The following APOOL variants were observed in gnomAD, a reference collection of about 807,000 sequenced individuals.
APOOL encodes MICOS complex subunit MIC27.
Under a neutral mutation model 23.1 loss-of-function variants are expected in APOOL, and 12 were observed. The ratio of observed to expected loss-of-function variants is 0.52; its 90% CI spans 0.33 to 0.84. APOOL has a LOEUF of 0.84. Ranked by LOEUF, APOOL falls within the 40% of genes least tolerant of loss-of-function variation. APOOL has a pLI of 0.02. For missense variants in APOOL, 212 were observed against 199.6 expected (o/e 1.06, Z -0.37); for synonymous variants, 77 against 69.9 (o/e 1.10, Z -0.51).
intron 5 of APOOL, 135 bp from the exon 6 acceptor site, chrX:85,066,992 T>G (rs980211827): frequency 5.2e-6 from 2 of 384,827 alleles, no homozygotes; most frequent in African/African-American, 5.0e-5. Context: ...CCATCTTGAT[T>G]GGTATAATTA....
intron 1 of APOOL, among the ~76,000 whole-genome samples, chrX:85,014,157 G>T (rs972783819): frequency 6.3e-5 from 7 of 111,135 alleles, no homozygotes; most frequent in Non-Finnish European, 1.1e-4. Context: ...CTCACTTTTG[G>T]TGTCCATCTG....
intron 6 of APOOL, among the ~76,000 whole-genome samples, chrX:85,071,620 C>A (rs67673541): frequency 0.053 from 5,865 of 110,909 alleles, 358 homozygotes; most frequent in African/African-American, 0.17. Context: ...GAGATAGGAA[C>A]AGCTTTCTTA....
chrX:85,023,683 T>C (rs1921747157), intron 1 of APOOL, among the ~76,000 whole-genome samples: 1 of 112,022 alleles, frequency 8.9e-6, no homozygotes, highest in Non-Finnish European at 1.9e-5. Flanking sequence ...ATAAAAAAGC[T>C]TGGCACTGGC....
chrX:85,067,570 A>G (rs1227142577), intron 6 of APOOL, among the ~76,000 whole-genome samples: 1 of 109,241 alleles, frequency 9.2e-6, no homozygotes, highest in Non-Finnish European at 1.9e-5. Context: ...TCAGCAGATT[A>G]ACCTGACATA....
chrX:85,066,386 C>A (rs183100740), intron 5 of APOOL, among the ~76,000 whole-genome samples: 62 of 111,222 alleles, frequency 5.6e-4, no homozygotes, highest in Admixed American at 5.1e-3. Context: ...AAGGAAAAGC[C>A]ACACAGCTAG....
rs188445230 is a variant in APOOL, at chrX:85,057,183, G to A, written c.394+1258G>A. Among the ~76,000 whole-genome samples the A allele has an allele frequency of 1.4e-4, 15 of 110,933 alleles. No individual in the cohort carries two copies. The East Asian group carries it at 2.3e-3, about 17-fold the overall frequency. ...GAGCTACTATGAAAATTTATATACA[G>A]ATTTTTCATTTCTCCAAGCCCTTAC... On this transcript the variant is annotated intron_variant, in intron 5 of 8. Transcript: ENST00000373173.
intron 1 of APOOL, among the ~76,000 whole-genome samples, chrX:85,025,428 G>A (rs975951521): frequency 1.8e-5 from 2 of 111,514 alleles, no homozygotes; most frequent in African/African-American, 6.5e-5. Flanking sequence ...AAATACAATC[G>A]TACTTTCCCA....
In APOOL at chrX:85,093,265, AC is replaced by A; in HGVS notation, c.*5588del. The A allele has an allele frequency of 6.2e-6, 7 of 1,122,591 alleles. No homozygotes were observed. The highest frequency in any genetic ancestry group is 7.2e-6 in the Non-Finnish European group (6 of 837,717). The allele number at this position is 1,122,591 out of a possible 1,213,427, so 92.5% of individuals were successfully genotyped here. A position where few individuals can be genotyped will look rare whatever the true frequency, so the allele number is the denominator to read the frequency against. ...ATGCAAAGTGAAAACTGCAAATTTC[AC>A]TTAACTTGTTATTTGCTTTAGTTTA... On this transcript the variant is annotated 3_prime_UTR_variant, in exon 9 of 9. Coordinates refer to ENST00000373173, the MANE Select transcript of APOOL (RefSeq NM_198450.6).
chrX:85,011,806 T>A (rs994054774), intron 1 of APOOL, among the ~76,000 whole-genome samples: 7 of 111,850 alleles, frequency 6.3e-5, no homozygotes, highest in African/African-American at 2.3e-4. Context: ...TTTTGCTTAG[T>A]ATTACTTCAG....
In APOOL at chrX:85,046,512, CAA is replaced by C; in HGVS notation, c.83_84del (p.Gln28ArgfsTer24). The C allele has an allele frequency of 8.3e-7, 1 of 1,209,242 alleles. No homozygotes were observed. The highest frequency in any genetic ancestry group is 1.7e-5 in the African/African-American group (1 of 57,685). ...ATCTGTAAGTGTACATGCAGCCAAA[CAA>C]GAGGAATCCAAAAAGCAGCTAGTGA... Reference protein sequence around the residue: ...YASVSVHAAKQEESKKQLVKP... With the variant: ...YASVSVHAAKXEESKKQLVKP... On this transcript the variant is annotated frameshift_variant, in exon 2 of 9. Transcript: ENST00000373173. LOFTEE classifies it high-confidence loss of function.
intron 5 of APOOL, among the ~76,000 whole-genome samples, chrX:85,061,618 A>G (rs1569458530): frequency 9.0e-6 from 1 of 111,526 alleles, no homozygotes; most frequent in East Asian, 2.8e-4. Flanking sequence ...GGGAAGATGT[A>G]TGGGTCGAGG....
intron 1 of APOOL, among the ~76,000 whole-genome samples, chrX:85,014,311 T>A (rs935655490): frequency 9.0e-6 from 1 of 111,646 alleles, no homozygotes; most frequent in Non-Finnish European, 1.9e-5. Flanking sequence ...GGCCATTTAC[T>A]ATCAGCGTTA....
intron 8 of APOOL, 119 bp downstream of exon 8, chrX:85,074,510 T>C: frequency 3.6e-6 from 3 of 836,283 alleles, no homozygotes; most frequent in Non-Finnish European, 5.0e-6. Context: ...CTTTCTCATA[T>C]CTGTGGTTTC....
At chrX:85,046,284 T>C (rs753018441) in intron 1 of APOOL, 162 bp from the exon 2 acceptor site, 5 of 417,804 alleles carry the variant, frequency 1.2e-5, no homozygotes, top group Admixed American at 4.9e-5. Context: ...GATAATTTTA[T>C]GAACTATGTC....
At chrX:85,057,176 A>G (rs868304540) in intron 5 of APOOL, among the ~76,000 whole-genome samples, 1 of 111,042 alleles carries the variant, frequency 9.0e-6, no homozygotes, top group Non-Finnish European at 1.9e-5. Flanking sequence ...ATGAAAATTT[A>G]TATACAGATT....
intron 5 of APOOL, among the ~76,000 whole-genome samples, chrX:85,056,457 T>A (rs1922966140): frequency 1.8e-5 from 2 of 111,616 alleles, no homozygotes. Context: ...TTTAAAAAAA[T>A]TTTTGGCCGG....
intron 1 of APOOL, among the ~76,000 whole-genome samples, chrX:85,025,110 G>C (rs1715034044): frequency 9.0e-6 from 1 of 111,692 alleles, no homozygotes; most frequent in African/African-American, 3.3e-5. Context: ...AATCATGGCA[G>C]ACTACAAAAG....
chrX:85,088,316 GTTT>G lies in APOOL; in HGVS notation c.*665_*667del, dbSNP rs766497759. On this transcript the variant is annotated 3_prime_UTR_variant, in exon 9 of 9. Coordinates refer to ENST00000373173, the MANE Select transcript of APOOL (RefSeq NM_198450.6). ...TGTATGGAAAGGTGTGTTTCCCTCT[GTTT>G]TTTTTTTTTTTTTTTTTTTTTTTTT... The G allele has an allele frequency of 5.8e-4, 13 of 22,526 alleles. No homozygotes were observed. Among genetic ancestry groups the G allele is most frequent in the African/African-American group, 1.2e-3 (8 of 6,406 alleles). 1.9% of individuals were successfully genotyped at this position (22,526 alleles called of 1,213,427 possible).
At chrX:85,063,690 C>A (rs1160174819) in intron 5 of APOOL, among the ~76,000 whole-genome samples, 2 of 111,351 alleles carry the variant, frequency 1.8e-5, no homozygotes, top group Middle Eastern at 8.4e-3. Context: ...TATGTTGAAC[C>A]AGCCTTTCAT....
Sources: allele counts gnomAD v4.1 joint callset (sites outside exome capture counted in the v4.1 genomes callset), GRCh38; gene constraint gnomAD v4.1.1; transcripts MANE v1.5; gene names NCBI Gene and HGNC (gene_info 2026-07-23, HGNC 2026-07-21).